The following PTPRD variants were observed in gnomAD, a reference collection of about 807,000 sequenced individuals.
PTPRD encodes protein tyrosine phosphatase receptor type D.
A neutral mutation model predicts 214.5 loss-of-function variants in PTPRD; 34 were observed. That is an observed-to-expected ratio of 0.16 (90% CI 0.12 to 0.21). The LOEUF (loss-of-function observed/expected upper bound fraction) is 0.21. Ranked by LOEUF, PTPRD falls within the 10% of genes least tolerant of loss-of-function variation. The probability of loss-of-function intolerance (pLI) is 1.00; values close to 1 mark genes in which losing one functional copy is unlikely to be tolerated. For synonymous variants in PTPRD, 1,128 were observed against 845.7 expected (o/e 1.33, Z -5.79); for missense variants, 2,545 against 2,398.7 (o/e 1.06, Z -1.27).
intron 3 of PTPRD, among the ~76,000 whole-genome samples, chr9:10,336,950 C>G (rs1159877453): frequency 6.6e-6 from 1 of 151,558 alleles, no homozygotes; most frequent in Non-Finnish European, 1.5e-5. Context: ...CCAGGAAATT[C>G]TGAATGGAGA....
chr9:8,507,347 A>G lies in PTPRD; in HGVS notation c.1631T>C (p.Ile544Thr), dbSNP rs1197908331. 6.2e-7 allele frequency: 1 copy of G among 1,613,998 alleles called. No individual in the cohort carries two copies. The highest frequency in any genetic ancestry group is 1.7e-5 in the Admixed American group (1 of 60,020). The change falls in exon 22 of 46, where the codon ATT (isoleucine) becomes ACT (threonine). Residue 544 changes from isoleucine (I) to threonine (T), a missense_variant. Coordinates refer to ENST00000381196, the MANE Select transcript of PTPRD (RefSeq NM_002839.4). Reference protein sequence around the residue: ...LSWTPPRSDTIANYELVYKDG... With the variant: ...LSWTPPRSDTTANYELVYKDG... ...TTTGTAGACCAGTTCATAGTTGGCA[A>G]TGGTATCTGAACGTGGAGGTGTCCA...
intron 44 of PTPRD, among the ~76,000 whole-genome samples, chr9:8,320,379 T>G (rs12000483): frequency 0.016 from 2,373 of 152,232 alleles, 53 homozygotes; most frequent in African/African-American, 0.055. Context: ...ATCTTCAACT[T>G]TTCTATCACA....
At chr9:8,761,645 C>T (rs973742766) in intron 11 of PTPRD, among the ~76,000 whole-genome samples, 8 of 152,064 alleles carry the variant, frequency 5.3e-5, no homozygotes, top group African/African-American at 1.4e-4. Context: ...TATAACTAAT[C>T]GCTAACTGTA....
chr9:8,814,531 G>A (rs1001385966), intron 11 of PTPRD, among the ~76,000 whole-genome samples: 3 of 152,148 alleles, frequency 2.0e-5, no homozygotes, highest in Non-Finnish European at 4.4e-5. Flanking sequence ...AATTAAGGAA[G>A]AAGACATACC....
chr9:10,586,329 G>T (rs2132641365), intron 2 of PTPRD, among the ~76,000 whole-genome samples: 1 of 152,082 alleles, frequency 6.6e-6, no homozygotes, highest in Non-Finnish European at 1.5e-5. Context: ...ATGGTGAGAA[G>T]AGTTTTACAA....
intron 9 of PTPRD, among the ~76,000 whole-genome samples, chr9:9,275,078 ATAT>A (rs1944570934): frequency 1.4e-5 from 1 of 74,000 alleles, no homozygotes; most frequent in Non-Finnish European, 2.6e-5. Flanking sequence ...ATATATATAT[ATAT>A]AATATATATG....
chr9:9,578,256 T>G (rs745604126), intron 7 of PTPRD, among the ~76,000 whole-genome samples: 1 of 152,060 alleles, frequency 6.6e-6, no homozygotes, highest in East Asian at 1.9e-4. Context: ...GATTTTCAAA[T>G]TACTACAGAA....
chr9:9,527,664 C>T (rs2074441162), intron 8 of PTPRD, among the ~76,000 whole-genome samples: 1 of 152,160 alleles, frequency 6.6e-6, no homozygotes, highest in South Asian at 2.1e-4. Context: ...CTTCAAGCAT[C>T]TATCCTTAGT....
intron 12 of PTPRD, among the ~76,000 whole-genome samples, chr9:8,642,416 G>C (rs895181454): frequency 2.0e-5 from 3 of 152,056 alleles, no homozygotes; most frequent in Admixed American, 1.3e-4. Context: ...ATTTTTAAAG[G>C]GGAAGGTGAA....
At chr9:9,915,937 T>A (rs1458461981) in intron 5 of PTPRD, among the ~76,000 whole-genome samples, 1 of 151,416 alleles carries the variant, frequency 6.6e-6, no homozygotes, top group Admixed American at 6.6e-5. Flanking sequence ...TTGAAGAAAA[T>A]CAAGGACAAA....
intron 7 of PTPRD, among the ~76,000 whole-genome samples, chr9:9,598,365 A>G (rs2154335316): frequency 6.6e-6 from 1 of 152,092 alleles, no homozygotes; most frequent in East Asian, 1.9e-4. Flanking sequence ...AGAGAAGAAA[A>G]AGGAGAGGAA....
chr9:10,564,200 C>G (rs1002768705), intron 2 of PTPRD, among the ~76,000 whole-genome samples: 2 of 8,100 alleles, frequency 2.5e-4, no homozygotes, highest in African/African-American at 8.0e-4. Flanking sequence ...TTTTTTGAGA[C>G]ATAGGGGTTT....
intron 19 of PTPRD, among the ~76,000 whole-genome samples, chr9:8,521,882 T>C (rs963144147): frequency 6.6e-6 from 1 of 152,140 alleles, no homozygotes; most frequent in African/African-American, 2.4e-5. Flanking sequence ...CATGCAGGCA[T>C]ATAACAATGA....
intron 3 of PTPRD, among the ~76,000 whole-genome samples, chr9:10,241,151 C>G (rs2090961876): frequency 6.6e-6 from 1 of 151,864 alleles, no homozygotes; most frequent in Non-Finnish European, 1.5e-5. Flanking sequence ...TGATGAGATA[C>G]TACTCTGTAC....
At chr9:9,721,334 A>T (rs926640904) in intron 7 of PTPRD, among the ~76,000 whole-genome samples, 11 of 152,126 alleles carry the variant, frequency 7.2e-5, no homozygotes, top group African/African-American at 2.7e-4. Flanking sequence ...TCTCTTCTAA[A>T]TTTGACAAGG....
At chr9:9,628,776 A>G (rs1593469731) in intron 7 of PTPRD, among the ~76,000 whole-genome samples, 1 of 152,032 alleles carries the variant, frequency 6.6e-6, no homozygotes, top group Non-Finnish European at 1.5e-5. Flanking sequence ...ACTCTATGAA[A>G]TTTCTATACA....
chr9:9,998,869 GAA>G (rs1237491876), intron 4 of PTPRD, among the ~76,000 whole-genome samples: 1 of 152,156 alleles, frequency 6.6e-6, no homozygotes, highest in Non-Finnish European at 1.5e-5. Context: ...CCATTTGGAA[GAA>G]AAGACATTTT....
intron 34 of PTPRD, among the ~76,000 whole-genome samples, chr9:8,439,546 C>G (rs1460102008): frequency 6.6e-6 from 1 of 151,906 alleles, no homozygotes; most frequent in African/African-American, 2.4e-5. Flanking sequence ...TTTCATTAGC[C>G]AAAATGTATA....
At chr9:9,883,278 A>G (rs1471099688) in intron 5 of PTPRD, among the ~76,000 whole-genome samples, 1 of 152,134 alleles carries the variant, frequency 6.6e-6, no homozygotes, top group Non-Finnish European at 1.5e-5. Flanking sequence ...TCTCAACACA[A>G]ATTTATTACT....
Sources: allele counts gnomAD v4.1 joint callset (sites outside exome capture counted in the v4.1 genomes callset), GRCh38; gene constraint gnomAD v4.1.1; transcripts MANE v1.5; gene names NCBI Gene and HGNC (gene_info 2026-07-23, HGNC 2026-07-21).